Variants in USH2A observed in about 807,000 individuals in gnomAD.
The protein encoded by USH2A is usherin.
Under a neutral mutation model 538.9 loss-of-function variants are expected in USH2A, and 443 were observed. The ratio of observed to expected loss-of-function variants is 0.82; its 90% CI spans 0.76 to 0.89. The LOEUF is 0.89. USH2A is among the 40% of genes least tolerant of loss of function. The pLI, the probability that USH2A is intolerant of heterozygous loss-of-function variation, is 0.00. For synonymous variants in USH2A, 2,413 were observed against 2,273.5 expected (o/e 1.06, Z -1.75); for missense variants, 6,633 against 6,324.8 (o/e 1.05, Z -1.65).
In USH2A at chr1:215,640,568, C is replaced by T. The variant is rs762564168; in HGVS notation, c.14958G>A (p.Thr4986=). 3.1e-6 allele frequency: 5 copies of T among 1,613,664 alleles called. No individual in the cohort carries two copies. Among genetic ancestry groups the T allele is most frequent in the South Asian group, 2.2e-5 (2 of 91,026 alleles). The change falls in exon 68 of 72, where the codon ACG becomes ACA. Residue 4986 remains threonine (T), a synonymous_variant. Transcript: ENST00000307340. Reference sequence around the variant, plus strand: ...GAGTCAGAAACTAACTTTTGTCCGCCGTTCTCGGTATGTAGAGGGTGGTGT... The same window carrying T: ...GAGTCAGAAACTAACTTTTGTCCGCTGTTCTCGGTATGTAGAGGGTGGTGT... ...GLDTTLYIPR[T]ADKTFFFQVI...
At chr1:216,152,446 C>T in intron 21 of USH2A, among the ~76,000 whole-genome samples, 1 of 148,988 alleles carries the variant, frequency 6.7e-6, no homozygotes, top group Non-Finnish European at 1.5e-5. Flanking sequence ...CCCCACTGAG[C>T]ACCTTGCGAC....
At chr1:216,372,638 T>A (rs1285775602) in intron 3 of USH2A, among the ~76,000 whole-genome samples, 1 of 152,118 alleles carries the variant, frequency 6.6e-6, no homozygotes, top group Non-Finnish European at 1.5e-5. Flanking sequence ...ACATTTAGAT[T>A]ACTCTCTTCT....
At chr1:215,632,030 T>G (rs1432682453) in intron 70 of USH2A, among the ~76,000 whole-genome samples, 1 of 152,158 alleles carries the variant, frequency 6.6e-6, no homozygotes, top group Non-Finnish European at 1.5e-5. Context: ...TTCTCAAATC[T>G]TGCTGTGCAT....
At chr1:215,992,040 C>A (rs1431063884) in intron 35 of USH2A, among the ~76,000 whole-genome samples, 1 of 152,044 alleles carries the variant, frequency 6.6e-6, no homozygotes, top group African/African-American at 2.4e-5. Flanking sequence ...CTCTCCATTA[C>A]CTCAAATATA....
At chr1:215,783,661 C>G (rs1348738991) in intron 52 of USH2A, among the ~76,000 whole-genome samples, 2 of 152,156 alleles carry the variant, frequency 1.3e-5, no homozygotes, top group Admixed American at 1.3e-4. Flanking sequence ...TCGGAAATAC[C>G]AATGCTACAC....
chr1:215,670,159 C>T (rs1303968508), intron 64 of USH2A, among the ~76,000 whole-genome samples: 1 of 152,182 alleles, frequency 6.6e-6, no homozygotes, highest in Non-Finnish European at 1.5e-5. Flanking sequence ...TTTATCACGA[C>T]TTCTCACCTC....
rs2102554577 is a variant in USH2A at position 216,078,354 on chromosome 1, C to A, written c.5307G>T (p.Leu1769=). ...KDGPDFLAME[L]KSGILTFRLN... ...ACCGGAAGGTCAATATTCCACTTTT[C>A]AGCTCCATCTGTATTTTATATTAAA... is the stretch of plus-strand genomic sequence containing the variant. Residue 1769 remains leucine (L), a synonymous_variant, in exon 27 of 72, where the codon CTG becomes CTT. Transcript: ENST00000307340. 6.2e-7 allele frequency: 1 copy of A among 1,613,434 alleles called. No homozygotes were observed. The highest frequency in any genetic ancestry group is 2.2e-5 in the East Asian group (1 of 44,866).
intron 21 of USH2A, among the ~76,000 whole-genome samples, chr1:216,155,272 A>G (rs1033497510): frequency 2.6e-5 from 4 of 152,176 alleles, no homozygotes; most frequent in Non-Finnish European, 5.9e-5. Context: ...AGGCCACAAG[A>G]ATAGGATTAC....
intron 61 of USH2A, among the ~76,000 whole-genome samples, chr1:215,691,266 T>C (rs969001181): frequency 1.3e-5 from 2 of 152,182 alleles, no homozygotes; most frequent in Admixed American, 1.3e-4. Flanking sequence ...GTCACTCCTC[T>C]GCTCAAAACC....
chr1:216,070,589 G>A (rs1197086121), intron 29 of USH2A, among the ~76,000 whole-genome samples: 1 of 152,122 alleles, frequency 6.6e-6, no homozygotes, highest in Non-Finnish European at 1.5e-5. Flanking sequence ...TCATAAAGAA[G>A]GAGGTGGATG....
intron 32 of USH2A, among the ~76,000 whole-genome samples, chr1:216,031,841 C>T (rs558997492): frequency 1.3e-5 from 2 of 152,136 alleles, no homozygotes; most frequent in East Asian, 1.9e-4. Context: ...TTGTGAAATG[C>T]GCATTAATAG....
chr1:215,956,644 G>A (rs150804839), intron 37 of USH2A, among the ~76,000 whole-genome samples: 92 of 152,116 alleles, frequency 6.0e-4, no homozygotes, highest in African/African-American at 9.6e-4. Context: ...ATCAGTGTAC[G>A]ACCCATGGTT....
chr1:216,367,448 C>A (rs570368100), intron 3 of USH2A, among the ~76,000 whole-genome samples: 8 of 152,110 alleles, frequency 5.3e-5, no homozygotes, highest in Non-Finnish European at 1.2e-4. Flanking sequence ...AGTTTAAGTG[C>A]ACCTTTATTT....
At chr1:216,176,081 A>T (rs1325774167) in intron 20 of USH2A, among the ~76,000 whole-genome samples, 2 of 152,220 alleles carry the variant, frequency 1.3e-5, no homozygotes, top group African/African-American at 2.4e-5. Context: ...GTAATGAAGG[A>T]ATATTAACAC....
At chr1:216,150,679 G>A (rs990470334) in intron 21 of USH2A, among the ~76,000 whole-genome samples, 3 of 152,166 alleles carry the variant, frequency 2.0e-5, no homozygotes, top group African/African-American at 4.8e-5. Flanking sequence ...TCAGCAAGCT[G>A]CCGCCCTCCT....
intron 44 of USH2A, among the ~76,000 whole-genome samples, chr1:215,847,461 G>C (rs1228712787): frequency 6.6e-6 from 1 of 151,788 alleles, no homozygotes; most frequent in Non-Finnish European, 1.5e-5. Context: ...CCTGGGAAAC[G>C]TGGCAATACC....
Position 215,766,728 on chromosome 1 carries a change from G to T in USH2A, c.11000C>A (p.Thr3667Asn). The T allele has an allele frequency of 6.2e-7, 1 of 1,613,730 alleles. No individual in the cohort carries two copies. The highest frequency in any genetic ancestry group is 8.5e-7 in the Non-Finnish European group (1 of 1,179,668). ...CTGACCTAGAAAAGGCTCGCTTGAA[G>T]TGCACCCAGCAGATGTACAAGCTGT... ...TLTACTSAGC[T>N]SSEPFLGQTL... The change falls in exon 56 of 72, where the codon ACT (threonine) becomes AAT (asparagine). Residue 3667 changes from threonine to asparagine, a missense_variant. Transcript: ENST00000307340.
At chr1:215,842,309 C>A (rs1663702558) in intron 46 of USH2A, among the ~76,000 whole-genome samples, 1 of 152,178 alleles carries the variant, frequency 6.6e-6, no homozygotes, top group Non-Finnish European at 1.5e-5. Context: ...CAAGTAACAA[C>A]AGATGCTGGT....
chr1:215,728,582 G>GACACACAC (rs1311988583), intron 60 of USH2A, among the ~76,000 whole-genome samples, 198 bp from the exon 61 acceptor site: 82,482 of 148,412 alleles, frequency 0.56, 24,452 homozygotes, highest in Non-Finnish European at 0.68. Flanking sequence ...AAGTGTAGTT[G>GACACACAC]ACACACACAC....
Sources: gnomAD v4.1 joint callset for allele counts (sites outside exome capture counted in the v4.1 genomes callset) on GRCh38, gnomAD v4.1.1 for gene constraint, MANE v1.5 for transcripts, NCBI Gene and HGNC (gene_info 2026-07-23, HGNC 2026-07-21) for gene names.